Variants in TBX15 observed in about 807,000 individuals in gnomAD.
TBX15 encodes the protein T-box transcription factor TBX15.
In TBX15, 18 loss-of-function variants were observed where a neutral mutation model predicts 53.9. The ratio of observed to expected loss-of-function variants is 0.33; its 90% CI spans 0.23 to 0.49. The LOEUF is 0.49. TBX15 is among the 20% of genes least tolerant of loss of function. The pLI is 0.98. For synonymous variants in TBX15, 295 were observed against 278.0 expected (o/e 1.06, Z -0.61); for missense variants, 692 against 749.5 (o/e 0.92, Z 0.90).
In TBX15 at chr1:118,931,825, C is replaced by T. The variant is rs532549715; in HGVS notation, c.213G>A (p.Glu71=). 3.2e-6 allele frequency: 5 copies of T among 1,571,716 alleles called. No individual in the cohort carries two copies. In the East Asian group the frequency reaches 1.2e-4, roughly 36 times the overall value. The part of the protein sequence containing the change: ...AHGLEPHPDS[E]QSTGSDSEVL... ...CCTCAGAATCTGAACCAGTGCTCTG[C>T]TCAGAATCTGCAAAATAAACAATCA... The change falls in exon 2 of 8, where the codon GAG becomes GAA. Residue 71 remains glutamate, a synonymous_variant. Coordinates refer to ENST00000369429, the MANE Select transcript of TBX15 (RefSeq NM_001330677.2).
chr1:118,901,543 G>A (rs1304514347), intron 6 of TBX15: 3 of 398,668 alleles, frequency 7.5e-6, no homozygotes, highest in Non-Finnish European at 1.5e-5. Flanking sequence ...TTTTATTTAA[G>A]CAGTTAACTC....
At chr1:118,908,564 G>C (rs1385311063) in intron 6 of TBX15, among the ~76,000 whole-genome samples, 1 of 151,390 alleles carries the variant, frequency 6.6e-6, no homozygotes, top group Non-Finnish European at 1.5e-5. Context: ...ACCAGATTTG[G>C]GCCACACAAT....
Position 118,893,311 on chromosome 1 carries a change from AAG to A in TBX15, c.1024+5715_1024+5716del, listed in dbSNP as rs1237622685. 4.9e-3 allele frequency among the ~76,000 whole-genome samples: 666 copies of A among 135,674 alleles called. 27 individuals carry two copies. The highest frequency in any genetic ancestry group is 0.02 in the African/African-American group (633 of 32,030). 89.0% of individuals were successfully genotyped at this position (135,674 alleles called of 152,430 possible). On this transcript the variant is annotated intron_variant, in intron 7 of 7. Transcript: ENST00000369429. ...GAAGGAAGGAAGGAAGGAAGGAAGGAAGGAAAGAAAGAAAGAAGAAAGAAGGA... is the reference window on the plus strand; with the variant it reads ...GAAGGAAGGAAGGAAGGAAGGAAGGAGAAAGAAAGAAAGAAGAAAGAAGGA...
chr1:118,968,275 C>T (rs994627942), intron 1 of TBX15, among the ~76,000 whole-genome samples: 15 of 152,090 alleles, frequency 9.9e-5, no homozygotes, highest in South Asian at 4.2e-4. Flanking sequence ...AGTGCAGTGG[C>T]GTGATCTTGG....
intron 1 of TBX15, among the ~76,000 whole-genome samples, chr1:118,979,333 C>T (rs1657561249): frequency 6.6e-6 from 1 of 152,016 alleles, no homozygotes; most frequent in African/African-American, 2.4e-5. Flanking sequence ...GTCCCTGCCT[C>T]TTAGGCACCC....
chr1:118,886,531 C>T (rs970270811), intron 7 of TBX15, among the ~76,000 whole-genome samples: 18 of 152,136 alleles, frequency 1.2e-4, no homozygotes, highest in African/African-American at 3.6e-4. Context: ...GATCCTACCT[C>T]GGATGAACTA....
chr1:118,927,012 A>G (rs550391683), intron 2 of TBX15, among the ~76,000 whole-genome samples: 1 of 152,172 alleles, frequency 6.6e-6, no homozygotes, highest in East Asian at 1.9e-4. Context: ...GTGTGAGCCA[A>G]TGCACCCAGC....
intron 1 of TBX15, among the ~76,000 whole-genome samples, chr1:118,945,997 G>A (rs1175407576): frequency 2.6e-5 from 4 of 152,176 alleles, no homozygotes; most frequent in Non-Finnish European, 5.9e-5. Context: ...TGATGTATGA[G>A]TGAAGGCAGA....
chr1:118,932,261 T>A lies in TBX15; in HGVS notation c.206-429A>T, dbSNP rs142378245. The stretch of plus-strand genomic sequence containing the variant: ...TACATTTGTGCAAGTAAAGATTCAG[T>A]GCAAACATTATGTTCTTCAATTCCA... On this transcript the variant is annotated intron_variant, in intron 1 of 7. Transcript: ENST00000369429. Among the ~76,000 whole-genome samples, 17 of 152,332 alleles carry A rather than the reference T, an allele frequency of 1.1e-4. No homozygotes were observed. The East Asian group carries it at 3.1e-3, about 28-fold the overall frequency.
At chr1:118,901,734 T>C (rs1654636364) in intron 6 of TBX15, among the ~76,000 whole-genome samples, 1 of 152,038 alleles carries the variant, frequency 6.6e-6, no homozygotes, top group South Asian at 2.1e-4. Context: ...CCCAGGAAAA[T>C]TTTCAGTTTT....
At position 118,987,816 on chromosome 1, in the gene TBX15, C is replaced by T; in HGVS notation, c.-21G>A. On this transcript the variant is annotated 5_prime_UTR_variant, in exon 1 of 8. Transcript: ENST00000369429. Reference sequence around the variant, plus strand: ...CTCATTTTAGCCGCCCACACCCCTGCCTCCGCTTGCCCCCGCTACCGAGGG... The same window carrying T: ...CTCATTTTAGCCGCCCACACCCCTGTCTCCGCTTGCCCCCGCTACCGAGGG... The T allele has an allele frequency of 3.9e-6, 6 of 1,546,928 alleles. No individual in the cohort carries two copies. Among genetic ancestry groups the T allele is most frequent in the Non-Finnish European group, 5.2e-6 (6 of 1,145,454 alleles).
intron 1 of TBX15, among the ~76,000 whole-genome samples, chr1:118,943,583 A>C (rs1268410688): frequency 4.6e-5 from 7 of 152,236 alleles, no homozygotes; most frequent in African/African-American, 1.7e-4. Context: ...TCAGTAAGGA[A>C]AATGGGCCAG....
In TBX15 at chr1:118,988,148, C is replaced by CCT. The variant is rs3033458; in HGVS notation, c.-355_-354dup. 3.2e-3 allele frequency: 569 copies of CCT among 179,984 alleles called. 4 individuals are homozygous for CCT. Among genetic ancestry groups the CCT allele is most frequent in the Middle Eastern group, 6.4e-3 (3 of 470 alleles). The allele number at this position is 179,984 out of a possible 1,614,324, so 11.1% of individuals were successfully genotyped here. ...TTTTGTTATTATTATTATTCTCTCTCCTCTCTCTCTCTCTCTCTCTCTCCC... is the reference window on the plus strand; with the variant it reads ...TTTTGTTATTATTATTATTCTCTCTCCTCTCTCTCTCTCTCTCTCTCTCTCCC... On this transcript the variant is annotated 5_prime_UTR_variant, in exon 1 of 8. Transcript: ENST00000369429.
At chr1:118,969,466 G>A (rs1041607380) in intron 1 of TBX15, among the ~76,000 whole-genome samples, 3 of 152,190 alleles carry the variant, frequency 2.0e-5, no homozygotes, top group Non-Finnish European at 4.4e-5. Flanking sequence ...TCCTCAGAAA[G>A]CAGTTCAGCA....
intron 1 of TBX15, among the ~76,000 whole-genome samples, chr1:118,938,009 A>C (rs1407846427): frequency 6.6e-6 from 1 of 152,118 alleles, no homozygotes. Context: ...GGGCTATCAG[A>C]TTTTATCGAG....
rs1004725910 is a variant in TBX15, at chr1:118,987,595, G to C, written c.201C>G (p.His67Gln). The C allele has an allele frequency of 2.6e-6, 4 of 1,546,498 alleles. No individual in the cohort carries two copies. Among genetic ancestry groups the C allele is most frequent in the African/African-American group, 1.4e-5 (1 of 72,984 alleles). ...EDAAAHGLEP[H>Q]PDSEQSTGSD... ...GGTCGGCTGCGACGCACTCACCCGG[G>C]TGAGGCTCCAGGCCGTGTGCCGCCG... Residue 67 changes from histidine to glutamine, a missense_variant, in exon 1 of 8, where the codon CAC (histidine) becomes CAG (glutamine). Physicochemically the swap from His to Gln is conservative, Grantham distance 24. This residue lies in a region of TBX15 where 307 missense variants were observed against 347.5 expected (regional missense o/e 0.88). Transcript: ENST00000369429.
At chr1:118,890,749 C>T in intron 7 of TBX15, 1 of 475,944 alleles carries the variant, frequency 2.1e-6, no homozygotes, top group Non-Finnish European at 3.5e-6. Context: ...AGGGCTTTCA[C>T]ATACAGTTTC....
chr1:118,905,758 C>T (rs1654796744), intron 6 of TBX15, among the ~76,000 whole-genome samples: 2 of 152,168 alleles, frequency 1.3e-5, no homozygotes, highest in Non-Finnish European at 2.9e-5. Context: ...TACCCAATGG[C>T]TTTAGGGAAA....
intron 2 of TBX15, among the ~76,000 whole-genome samples, chr1:118,928,099 G>A (rs1655658778): frequency 6.6e-6 from 1 of 152,164 alleles, no homozygotes; most frequent in Admixed American, 6.5e-5. Context: ...GGTCACAGGA[G>A]AGGCTCTCTG....
Sources: gnomAD v4.1 joint callset for allele counts (sites outside exome capture counted in the v4.1 genomes callset) on GRCh38, gnomAD v4.1.1 for gene constraint, gnomAD v4.1.1 regional missense constraint, MANE v1.5 for transcripts, NCBI Gene and HGNC (gene_info 2026-07-23, HGNC 2026-07-21) for gene names.